Variants in WNT5B observed in about 807,000 individuals in gnomAD.
WNT5B encodes the protein protein Wnt-5b.
WNT5B carries 18 observed loss-of-function variants against 36.5 expected under a neutral mutation model. The observed-to-expected ratio is 0.49, with a 90% CI of 0.34 to 0.73. WNT5B has a LOEUF of 0.73. WNT5B is among the 30% of genes least tolerant of loss of function. The pLI is 0.01. For missense variants in WNT5B, 424 were observed against 508.4 expected, an observed-to-expected ratio of 0.83 and a Z score of 1.60; for synonymous variants, 213 against 212.3, an observed-to-expected ratio of 1.00 and a Z score of -0.03.
Position 1,632,848 on chromosome 12 carries a change from C to T in WNT5B, c.271C>T (p.Arg91Trp), listed in dbSNP as rs1015574883. 3 of 1,614,112 alleles carry T rather than the reference C, an allele frequency of 1.9e-6. No individual in the cohort carries two copies. Among genetic ancestry groups the T allele is most frequent in the Non-Finnish European group, 1.7e-6 (2 of 1,179,982 alleles). The part of the protein sequence containing the change: ...KECQHQFRQR[R>W]WNCSTADNAS... ...ATGCCAGCACCAGTTCCGGCAGCGG[C>T]GGTGGAATTGCAGCACAGCGGACAA... Residue 91 changes from arginine to tryptophan, a missense_variant, in exon 3 of 5, where the codon CGG becomes TGG. By Grantham distance (101) the Arg-to-Trp change is moderately radical. Coordinates refer to ENST00000397196, the MANE Select transcript of WNT5B (RefSeq NM_032642.3). The surrounding 1 kb of genome is among the most constrained non-coding windows in gnomAD (Gnocchi z 5.8).
Position 1,645,791 on chromosome 12 carries a change from T to C in WNT5B, c.622-3T>C. ...TCTTACTGCCTTCTTTCTCTTCCCCTAGGCTGTGTATAAGATGGCAGACGT... is the reference window on the plus strand; with the variant it reads ...TCTTACTGCCTTCTTTCTCTTCCCCCAGGCTGTGTATAAGATGGCAGACGT... On this transcript the variant is annotated splice_region_variant and splice_polypyrimidine_tract_variant and intron_variant, in intron 4 of 4. Transcript: ENST00000397196. 1 of 1,570,060 alleles carries C rather than the reference T, an allele frequency of 6.4e-7. No homozygotes were observed. Among genetic ancestry groups the C allele is most frequent in the Non-Finnish European group, 8.7e-7 (1 of 1,155,712 alleles).
intron 4 of WNT5B, 94 bp downstream of exon 4, chr12:1,640,070 G>A (rs1301044945): frequency 1.4e-6 from 2 of 1,409,772 alleles, no homozygotes; most frequent in African/African-American, 1.5e-5. Flanking sequence ...TCAAGGAAAC[G>A]GGTTAGTCTG....
At position 1,639,772 on chromosome 12, in the gene WNT5B, C is replaced by T. The variant is rs1196784330; in HGVS notation, c.417C>T (p.Ser139=). 1.2e-6 allele frequency: 2 copies of T among 1,609,784 alleles called. No homozygotes were observed. Among genetic ancestry groups the T allele is most frequent in the Non-Finnish European group, 1.7e-6 (2 of 1,178,058 alleles). Residue 139 remains serine, a synonymous_variant, in exon 4 of 5, where the codon TCC becomes TCT. Coordinates refer to ENST00000397196, the MANE Select transcript of WNT5B (RefSeq NM_032642.3). ...GGGCCTGCCGCGAGGGCGAGCTCTC[C>T]ACCTGCGGCTGCAGCCGGACGGCGC... The part of the protein sequence containing the change: ...ISRACREGEL[S]TCGCSRTARP...
rs1184564238 is a variant in WNT5B, at chr12:1,631,175, G to A, written c.-57-123G>A. 7 of 845,180 alleles carry A rather than the reference G, an allele frequency of 8.3e-6. No homozygotes were observed. The East Asian group carries it at 1.7e-4, about 20-fold the overall frequency. 52.4% of individuals were successfully genotyped at this position (845,180 alleles called of 1,614,324 possible). ...GAGGCGGAGGCTGGAAAGAGGCCGA[G>A]CTTCTTTGTGGGGAACACGCAGCAC... is the stretch of plus-strand genomic sequence containing the variant. On this transcript the variant is annotated intron_variant, in intron 1 of 4. Transcript: ENST00000397196.
chr12:1,624,285 C>CTGAGGCACAA (rs990340384), upstream of WNT5B, among the ~76,000 whole-genome samples: 8 of 146,874 alleles, frequency 5.4e-5, no homozygotes, highest in Admixed American at 4.2e-4. Context: ...ACTCGGGAGG[C>CTGAGGCACAA]TGAGGCACAA....
chr12:1,639,569 C>A, intron 3 of WNT5B, 115 bp from the exon 4 acceptor site: 1 of 1,208,018 alleles, frequency 8.3e-7, no homozygotes, highest in Non-Finnish European at 1.1e-6. Flanking sequence ...AAGCCCCCTG[C>A]CCCAGGGGTG....
intron 4 of WNT5B, among the ~76,000 whole-genome samples, chr12:1,642,712 A>G (rs1359275234): frequency 6.6e-6 from 1 of 151,826 alleles, no homozygotes; most frequent in African/African-American, 2.4e-5. Context: ...TATTGCCCTT[A>G]ATTGTTTGTT....
chr12:1,645,569 G>C (rs1378197765), intron 4 of WNT5B, among the ~76,000 whole-genome samples: 1 of 152,230 alleles, frequency 6.6e-6, no homozygotes, highest in African/African-American at 2.4e-5. Context: ...GGCTGATGGG[G>C]ACAAGTTGCC....
rs752365559 is a variant in WNT5B, at chr12:1,618,075, G to A, written c.-58+932G>A. Among the ~76,000 whole-genome samples the A allele has an allele frequency of 6.6e-6, 1 of 152,112 alleles. No homozygotes were observed. Among genetic ancestry groups the A allele is most frequent in the African/African-American group, 2.4e-5 (1 of 41,414 alleles). ...GAGGATCGCTTGAGCCCAGGAGTTCGAGGCTGCAGTGAGCTGTGATCATGC... is the reference window on the plus strand; with the variant it reads ...GAGGATCGCTTGAGCCCAGGAGTTCAAGGCTGCAGTGAGCTGTGATCATGC... On this transcript the variant is annotated intron_variant, in intron 1 of 4. Coordinates refer to the WNT5B transcript ENST00000310594. The surrounding 1 kb of genome is among the most constrained non-coding windows in gnomAD (Gnocchi z 4.1).
In WNT5B at chr12:1,632,608, G is replaced by C; in HGVS notation, c.81-50G>C. The C allele has an allele frequency of 6.4e-7, 1 of 1,560,422 alleles. No homozygotes were observed. Among genetic ancestry groups the C allele is most frequent in the Non-Finnish European group, 8.7e-7 (1 of 1,146,790 alleles). On this transcript the variant is annotated intron_variant, in intron 2 of 4. Transcript: ENST00000397196. The surrounding 1 kb of genome is among the most constrained non-coding windows in gnomAD (Gnocchi z 5.8). ...GAATGACTTAATGCTGCACACAGGC[G>C]TATGCTCACTCCTGGGCCTTTTTTT...
intron 4 of WNT5B, among the ~76,000 whole-genome samples, chr12:1,643,528 G>GCA: frequency 1.3e-5 from 2 of 152,032 alleles, no homozygotes; most frequent in Admixed American, 1.3e-4. Flanking sequence ...ACCACGCCTG[G>GCA]GCTAATTTTG....
intron 3 of WNT5B, among the ~76,000 whole-genome samples, chr12:1,635,221 T>C (rs2094558441): frequency 6.6e-6 from 1 of 152,198 alleles, no homozygotes; most frequent in Admixed American, 6.5e-5. Flanking sequence ...ACAGTCATGA[T>C]AGGTTCGAAC....
chr12:1,627,783 G>A (rs1384678529), upstream of WNT5B, among the ~76,000 whole-genome samples: 3 of 152,118 alleles, frequency 2.0e-5, no homozygotes, highest in East Asian at 3.8e-4. This position sits in a 1 kb window ranked among gnomAD's most constrained non-coding sequence, Gnocchi z 5.0. Flanking sequence ...GGTTTTGGGG[G>A]CACAGATATT....
chr12:1,619,853 C>T (rs894604231), intron 1 of WNT5B, among the ~76,000 whole-genome samples: 2 of 152,146 alleles, frequency 1.3e-5, no homozygotes, highest in Admixed American at 1.3e-4. Context: ...CTCAAATAGT[C>T]ATCCCACGTG....
Position 1,639,937 on chromosome 12 carries a change from G to A in WNT5B, c.582G>A (p.Arg194=), listed in dbSNP as rs757770985. ...NFAKGSEEQG[R]VLMNLQNNEA... ...CCAAAGGATCAGAGGAGCAGGGCCG[G>A]GTGCTCATGAACCTGCAAAACAACG... The change falls in exon 4 of 5, where the codon CGG becomes CGA. Residue 194 remains arginine, a synonymous_variant. Coordinates refer to ENST00000397196, the MANE Select transcript of WNT5B (RefSeq NM_032642.3). The A allele has an allele frequency of 1.2e-6, 2 of 1,613,876 alleles. No individual in the cohort carries two copies. Among genetic ancestry groups the A allele is most frequent in the South Asian group, 1.1e-5 (1 of 91,054 alleles).
chr12:1,638,152 A>G (rs1368450355), intron 3 of WNT5B, among the ~76,000 whole-genome samples: 2 of 152,200 alleles, frequency 1.3e-5, no homozygotes, highest in Non-Finnish European at 2.9e-5. Flanking sequence ...AGGCTGAGAC[A>G]GGAGAATGGC....
At position 1,644,462 on chromosome 12, in the gene WNT5B, G is replaced by T. The variant is rs1014581164; in HGVS notation, c.622-1332G>T. 6.6e-6 allele frequency among the ~76,000 whole-genome samples: 1 copy of T among 152,142 alleles called. No homozygotes were observed. The highest frequency in any genetic ancestry group is 1.5e-5 in the Non-Finnish European group (1 of 68,032). Reference sequence around the variant, plus strand: ...ACCATAAAATAGTGGGAATAATTCCGTACCAGAAAAAACTCAGGAAGACTT... The same window carrying T: ...ACCATAAAATAGTGGGAATAATTCCTTACCAGAAAAAACTCAGGAAGACTT... On this transcript the variant is annotated intron_variant, in intron 4 of 4. Coordinates refer to ENST00000397196, the MANE Select transcript of WNT5B (RefSeq NM_032642.3). The surrounding 1 kb of genome is among the most constrained non-coding windows in gnomAD (Gnocchi z 5.1).
Position 1,633,680 on chromosome 12 carries a change from C to T in WNT5B, c.328+775C>T, listed in dbSNP as rs978978715. On this transcript the variant is annotated intron_variant, in intron 3 of 4. Coordinates refer to ENST00000397196, the MANE Select transcript of WNT5B (RefSeq NM_032642.3). The surrounding 1 kb of genome is among the most constrained non-coding windows in gnomAD (Gnocchi z 4.8). ...ATTCTACTGGGTCTTATCCCCAGGG[C>T]CATAAAAGGGAAGTGTTAGAATGCT... Among the ~76,000 whole-genome samples, 3 of 152,184 alleles carry T rather than the reference C, an allele frequency of 2.0e-5. No homozygotes were observed. The highest frequency in any genetic ancestry group is 4.4e-5 in the Non-Finnish European group (3 of 68,036).
chr12:1,632,770 T>C lies in WNT5B; in HGVS notation c.193T>C (p.Tyr65His). The C allele has an allele frequency of 4.3e-6, 7 of 1,614,136 alleles. No homozygotes were observed. The highest frequency in any genetic ancestry group is 5.9e-6 in the Non-Finnish European group (7 of 1,180,008). Residue 65 changes from tyrosine (Y) to histidine (H), a missense_variant, in exon 3 of 5, where the codon TAC (tyrosine) becomes CAC (histidine). Physicochemically the swap from Tyr to His is moderately conservative, Grantham distance 83 (BLOSUM62 2). Coordinates refer to ENST00000397196, the MANE Select transcript of WNT5B (RefSeq NM_032642.3). This position sits in a 1 kb window ranked among gnomAD's most constrained non-coding sequence, Gnocchi z 5.8. Reference protein sequence around the residue: ...SPGQRKLCQLYQEHMAYIGEG... With the variant: ...SPGQRKLCQLHQEHMAYIGEG... ...TGGCCAGAGGAAGCTGTGCCAATTG[T>C]ACCAGGAGCACATGGCCTACATAGG...
Sources: allele counts gnomAD v4.1 joint callset (sites outside exome capture counted in the v4.1 genomes callset), GRCh38; gene constraint gnomAD v4.1.1; non-coding constraint Gnocchi (gnomAD v3.1); transcripts MANE v1.5; gene names NCBI Gene and HGNC (gene_info 2026-07-23, HGNC 2026-07-21).